ANKRD33B: variants seen among roughly 807,000 people sequenced by gnomAD.
ANKRD33B encodes the protein ankyrin repeat domain-containing protein 33B.
In ANKRD33B, 6 loss-of-function variants were observed where a neutral mutation model predicts 21.5. The observed-to-expected ratio is 0.28, with a 90% CI of 0.15 to 0.55. The LOEUF (loss-of-function observed/expected upper bound fraction) is 0.55. Ranked by LOEUF, ANKRD33B falls within the 20% of genes least tolerant of loss-of-function variation. ANKRD33B has a pLI of 0.94. For missense variants in ANKRD33B, 698 were observed against 747.2 expected (o/e 0.93, Z 0.77); for synonymous variants, 347 against 342.4 (o/e 1.01, Z -0.15).
intron 1 of ANKRD33B, among the ~76,000 whole-genome samples, chr5:10,600,800 C>T (rs1735911814): frequency 6.6e-6 from 1 of 152,158 alleles, no homozygotes; most frequent in East Asian, 1.9e-4. Context: ...GAGTTCCACA[C>T]CCTTGCCAAC....
chr5:10,602,503 G>C (rs75507351), intron 1 of ANKRD33B, among the ~76,000 whole-genome samples: 1,840 of 152,320 alleles, frequency 0.012, 37 homozygotes, highest in African/African-American at 0.042. Context: ...ACCAGTATTT[G>C]TGCATGACAG....
chr5:10,564,183 G>T lies in ANKRD33B; in HGVS notation c.-285G>T, dbSNP rs562263834. On this transcript the variant is annotated 5_prime_UTR_variant, in exon 1 of 4. Coordinates refer to ENST00000296657, the MANE Select transcript of ANKRD33B (RefSeq NM_001164440.2). Reference sequence around the variant, plus strand: ...CTGCCTGGCTCTGAACTCTGGCCAGGAAGGGGCGCGAGGGGAAGGCCCCGG... The same window carrying T: ...CTGCCTGGCTCTGAACTCTGGCCAGTAAGGGGCGCGAGGGGAAGGCCCCGG... The T allele has an allele frequency of 6.5e-6, 1 of 153,778 alleles. No homozygotes were observed. Among genetic ancestry groups the T allele is most frequent in the Non-Finnish European group, 1.4e-5 (1 of 69,136 alleles). 9.5% of individuals were successfully genotyped at this position (153,778 alleles called of 1,614,324 possible).
chr5:10,614,704 T>C (rs1414802154), intron 1 of ANKRD33B, among the ~76,000 whole-genome samples: 2 of 152,180 alleles, frequency 1.3e-5, no homozygotes, highest in African/African-American at 4.8e-5. Flanking sequence ...CTGGCCAACA[T>C]GGTAAAACCC....
At chr5:10,602,889 T>C (rs551529514) in intron 1 of ANKRD33B, among the ~76,000 whole-genome samples, 1 of 151,880 alleles carries the variant, frequency 6.6e-6, no homozygotes, top group African/African-American at 2.4e-5. Flanking sequence ...CACAGCTCAC[T>C]GCAGACTTGA....
chr5:10,601,585 G>T (rs1735931780), intron 1 of ANKRD33B, among the ~76,000 whole-genome samples: 2 of 152,200 alleles, frequency 1.3e-5, no homozygotes, highest in South Asian at 4.1e-4. Flanking sequence ...AATGTCCTGA[G>T]GGGAGGGAGT....
intron 1 of ANKRD33B, among the ~76,000 whole-genome samples, chr5:10,602,117 C>T (rs905034987): frequency 2.6e-5 from 4 of 152,054 alleles, no homozygotes; most frequent in Non-Finnish European, 5.9e-5. Context: ...AAGCTGAGCT[C>T]TGTGTCCTGT....
In ANKRD33B at chr5:10,657,225, T is replaced by C. The variant is rs1021288718; in HGVS notation, c.*7112T>C. ...TGGGGCATCCGACTGAATTTGAAAA[T>C]AATACCCCATTCAGATGAACATTAA... is the stretch of plus-strand genomic sequence containing the variant. On this transcript the variant is annotated 3_prime_UTR_variant, in exon 4 of 4. Transcript: ENST00000296657. 5 of 152,338 alleles carry C rather than the reference T, an allele frequency of 3.3e-5. No homozygotes were observed. Among genetic ancestry groups the C allele is most frequent in the Non-Finnish European group, 7.3e-5 (5 of 68,032 alleles). The allele number at this position is 152,338 out of a possible 1,614,324, so 9.4% of individuals were successfully genotyped here.
intron 2 of ANKRD33B, chr5:10,624,845 C>G: frequency 2.2e-6 from 1 of 456,394 alleles, no homozygotes; most frequent in Non-Finnish European, 4.4e-6. Context: ...GGTGGAAACA[C>G]AGACTGCCAG....
chr5:10,578,976 C>A (rs1735381282), intron 1 of ANKRD33B, among the ~76,000 whole-genome samples: 1 of 151,988 alleles, frequency 6.6e-6, no homozygotes, highest in South Asian at 2.1e-4. Context: ...CCAGCCTGGG[C>A]AACATGGCGA....
At position 10,650,030 on chromosome 5, in the gene ANKRD33B, A is replaced by T. The variant is rs1358726129; in HGVS notation, c.1402A>T (p.Arg468Trp). Residue 468 changes from arginine (R) to tryptophan (W), a missense_variant, in exon 4 of 4, where the codon AGG becomes TGG. Arg to Trp is a moderately radical substitution (Grantham distance 101). Coordinates refer to ENST00000296657, the MANE Select transcript of ANKRD33B (RefSeq NM_001164440.2). ...WRYKEAKEEK[R>W]KAEEAEKKRQ... is the part of the protein sequence containing the mutation. ...GTACAAGGAGGCCAAGGAGGAGAAGAGGAAGGCAGAGGAGGCCGAAAAGAA... is the reference window on the plus strand; with the variant it reads ...GTACAAGGAGGCCAAGGAGGAGAAGTGGAAGGCAGAGGAGGCCGAAAAGAA... 1 of 1,532,252 alleles carries T rather than the reference A, an allele frequency of 6.5e-7. No homozygotes were observed. The highest frequency in any genetic ancestry group is 8.7e-7 in the Non-Finnish European group (1 of 1,144,140). The allele number at this position is 1,532,252 out of a possible 1,614,324, so 94.9% of individuals were successfully genotyped here.
intron 1 of ANKRD33B, among the ~76,000 whole-genome samples, chr5:10,566,922 G>A (rs543221619): frequency 3.9e-5 from 6 of 152,340 alleles, no homozygotes; most frequent in Admixed American, 1.3e-4. Context: ...TTTCTCATTC[G>A]TCTGCCTTCT....
chr5:10,640,300 C>T (rs959659915), intron 3 of ANKRD33B, among the ~76,000 whole-genome samples: 1 of 152,152 alleles, frequency 6.6e-6, no homozygotes. Flanking sequence ...TTGTCTTTTG[C>T]GCCATCTTGG....
At chr5:10,574,181 C>A (rs1735266300) in intron 1 of ANKRD33B, among the ~76,000 whole-genome samples, 1 of 152,222 alleles carries the variant, frequency 6.6e-6, no homozygotes. Context: ...AACATATTTT[C>A]TATTTTCTTT....
intron 1 of ANKRD33B, among the ~76,000 whole-genome samples, chr5:10,586,217 C>T (rs567850981): frequency 6.6e-6 from 1 of 152,046 alleles, no homozygotes; most frequent in African/African-American, 2.4e-5. Flanking sequence ...ATACTCAAGT[C>T]CCACAATCCG....
chr5:10,572,644 G>T (rs1254525597), intron 1 of ANKRD33B, among the ~76,000 whole-genome samples: 1 of 152,230 alleles, frequency 6.6e-6, no homozygotes, highest in Non-Finnish European at 1.5e-5. Flanking sequence ...GTGTCAGGCA[G>T]CCCCGTCTGG....
chr5:10,600,806 C>T (rs887921918), intron 1 of ANKRD33B, among the ~76,000 whole-genome samples: 4 of 152,124 alleles, frequency 2.6e-5, no homozygotes, highest in Non-Finnish European at 4.4e-5. Flanking sequence ...CACACCCTTG[C>T]CAACATTTGG....
intron 2 of ANKRD33B, among the ~76,000 whole-genome samples, chr5:10,631,699 G>A (rs1299031236): frequency 1.3e-5 from 2 of 152,242 alleles, no homozygotes; most frequent in Admixed American, 6.5e-5. Flanking sequence ...ACACGCAAGT[G>A]TGCAATCGAG....
intron 1 of ANKRD33B, among the ~76,000 whole-genome samples, chr5:10,615,522 C>G (rs1736266135): frequency 6.6e-6 from 1 of 152,188 alleles, no homozygotes; most frequent in Admixed American, 6.5e-5. Context: ...GGAATTTTGA[C>G]ACAGAGTTAC....
At chr5:10,608,797 G>A (rs938544426) in intron 1 of ANKRD33B, among the ~76,000 whole-genome samples, 7 of 152,234 alleles carry the variant, frequency 4.6e-5, no homozygotes, top group East Asian at 3.9e-4. Flanking sequence ...TGACTGCATC[G>A]AAACGTAAAA....
Sources: gnomAD v4.1 joint callset for allele counts (sites outside exome capture counted in the v4.1 genomes callset) on GRCh38, gnomAD v4.1.1 for gene constraint, MANE v1.5 for transcripts, NCBI Gene and HGNC (gene_info 2026-07-23, HGNC 2026-07-21) for gene names.